Variants in SPTA1 observed in about 807,000 individuals in gnomAD.
SPTA1 encodes the protein spectrin alpha chain, erythrocytic 1.
SPTA1 carries 177 observed loss-of-function variants against 324.7 expected under a neutral mutation model. The observed-to-expected ratio is 0.55, with a 90% CI of 0.48 to 0.62. SPTA1 has a LOEUF of 0.62. Among genes scored for constraint, SPTA1 ranks in the 20% least tolerant of loss-of-function variants. The pLI, the probability that SPTA1 is intolerant of heterozygous loss-of-function variation, is 0.00. For missense variants in SPTA1, 3,162 were observed against 2,883.6 expected, an observed-to-expected ratio of 1.10 and a Z score of -2.21; for synonymous variants, 1,195 against 1,041.3, an observed-to-expected ratio of 1.15 and a Z score of -2.84.
intron 18 of SPTA1, among the ~76,000 whole-genome samples, chr1:158,659,211 A>G (rs570101248): frequency 6.6e-6 from 1 of 152,262 alleles, no homozygotes; most frequent in African/African-American, 2.4e-5. Context: ...CAATAGCACA[A>G]GGGTGAAAAC....
At chr1:158,681,284 A>G (rs1654789715) in intron 4 of SPTA1, among the ~76,000 whole-genome samples, 1 of 152,116 alleles carries the variant, frequency 6.6e-6, no homozygotes, top group Admixed American at 6.6e-5. Context: ...TTATCTTTCA[A>G]TGCATGGTCT....
intron 31 of SPTA1, 83 bp downstream of exon 31, chr1:158,643,239 A>G: frequency 6.8e-7 from 1 of 1,481,016 alleles, no homozygotes; most frequent in Non-Finnish European, 9.4e-7. Context: ...AGGAAGCCAG[A>G]GTATTCCCCC....
intron 39 of SPTA1, among the ~76,000 whole-genome samples, chr1:158,631,690 T>C (rs934682395): frequency 1.1e-4 from 16 of 152,134 alleles, no homozygotes; most frequent in Admixed American, 3.9e-4. Flanking sequence ...CTCAGGTATA[T>C]GAAAAGATGC....
Position 158,656,591 on chromosome 1 carries a change from A to G in SPTA1, c.2871T>C (p.Ala957=). The change falls in exon 20 of 52, where the codon GCT becomes GCC. Residue 957 remains alanine (A), a synonymous_variant. Coordinates refer to ENST00000643759, the MANE Select transcript of SPTA1 (RefSeq NM_003126.4). ...GGCAGGCGTTTGCCTGATTCCGCAG[A>G]GCTTTCATACTGTCTCCAAATGAAT... The part of the protein sequence containing the change: ...DLNSFGDSMK[A]LRNQANACQQ... 6.2e-7 allele frequency: 1 copy of G among 1,613,966 alleles called. No individual in the cohort carries two copies. The highest frequency in any genetic ancestry group is 8.5e-7 in the Non-Finnish European group (1 of 1,179,930).
At chr1:158,623,964 G>A (rs180846597) in intron 42 of SPTA1, among the ~76,000 whole-genome samples, 3 of 152,280 alleles carry the variant, frequency 2.0e-5, no homozygotes, top group East Asian at 3.9e-4. Flanking sequence ...AGCCAAAAGG[G>A]GCCAAGGTGC....
At chr1:158,650,570 C>G (rs1255251577) in intron 24 of SPTA1, among the ~76,000 whole-genome samples, 6 of 152,192 alleles carry the variant, frequency 3.9e-5, no homozygotes, top group Non-Finnish European at 7.3e-5. Context: ...TATTCTCCTT[C>G]TTCAGCACGT....
chr1:158,612,939 C>A lies in SPTA1; in HGVS notation c.7012G>T (p.Asp2338Tyr). ...TTGTCAATCAGGAAAGCAGTATAGT[C>A]CTCCAGTGAGACATAGCCCTTCCTG... The part of the protein sequence containing the change: ...PGRKGYVSLE[D>Y]YTAFLIDKES... The change falls in exon 51 of 52, where the codon GAC (aspartate) becomes TAC (tyrosine). Residue 2338 changes from aspartate to tyrosine, a missense_variant. Coordinates refer to ENST00000643759, the MANE Select transcript of SPTA1 (RefSeq NM_003126.4). The A allele has an allele frequency of 6.2e-7, 1 of 1,613,878 alleles. No homozygotes were observed. The highest frequency in any genetic ancestry group is 1.1e-5 in the South Asian group (1 of 91,074).
chr1:158,623,632 T>G (rs1650068861), intron 42 of SPTA1, among the ~76,000 whole-genome samples: 1 of 152,180 alleles, frequency 6.6e-6, no homozygotes, highest in African/African-American at 2.4e-5. Context: ...TTCTGCTGCC[T>G]TATGAAGAAG....
chr1:158,674,670 T>G lies in SPTA1; in HGVS notation c.1118A>C (p.His373Pro). 6.2e-7 allele frequency: 1 copy of G among 1,613,706 alleles called. No homozygotes were observed. The highest frequency in any genetic ancestry group is 8.5e-7 in the Non-Finnish European group (1 of 1,179,936). The change falls in exon 9 of 52, where the codon CAT (histidine) becomes CCT (proline). Residue 373 changes from histidine (H) to proline (P), a missense_variant. Coordinates refer to ENST00000643759, the MANE Select transcript of SPTA1 (RefSeq NM_003126.4). The stretch of plus-strand genomic sequence containing the variant: ...TTCATCAAAGTCAGATGAAAATCGA[T>G]GGTACCTGTGGGAAAAGTGAGGTAA... ...YEKLQATYWY[H>P]RFSSDFDELS...
chr1:158,683,671 G>A (rs907092795), intron 2 of SPTA1, among the ~76,000 whole-genome samples, 175 bp from the exon 3 acceptor site: 6 of 152,090 alleles, frequency 3.9e-5, no homozygotes, highest in Admixed American at 6.6e-5. Flanking sequence ...ACTGTCCTGA[G>A]CTATGCTGAG....
intron 19 of SPTA1, 53 bp downstream of exon 19, chr1:158,657,424 A>C: frequency 1.3e-6 from 2 of 1,540,444 alleles, no homozygotes; most frequent in Non-Finnish European, 9.0e-7. Context: ...CTAAATTGAT[A>C]ATTTGGTTGC....
intron 42 of SPTA1, among the ~76,000 whole-genome samples, chr1:158,623,554 A>G (rs1650061842): frequency 6.6e-6 from 1 of 152,170 alleles, no homozygotes; most frequent in African/African-American, 2.4e-5. Flanking sequence ...TTCTTGTGAT[A>G]GTGAGTGAGT....
intron 15 of SPTA1, 58 bp downstream of exon 15, chr1:158,667,800 A>G: frequency 6.4e-7 from 1 of 1,561,708 alleles, no homozygotes; most frequent in South Asian, 1.1e-5. Flanking sequence ...GGTAAAGATA[A>G]AGGTAGTAGA....
intron 31 of SPTA1, 144 bp from the exon 32 acceptor site, chr1:158,643,120 A>G: frequency 7.6e-7 from 1 of 1,321,880 alleles, no homozygotes; most frequent in South Asian, 1.3e-5. Flanking sequence ...GCAGTGCTAA[A>G]GCCAGTTAAT....
Position 158,635,962 on chromosome 1 carries a change from C to T in SPTA1, c.5383G>A (p.Ala1795Thr), listed in dbSNP as rs753689578. 8 of 1,614,154 alleles carry T rather than the reference C, an allele frequency of 5.0e-6. No homozygotes were observed. The highest frequency in any genetic ancestry group is 1.1e-5 in the South Asian group (1 of 91,078). Residue 1795 changes from alanine (A) to threonine (T), a missense_variant, in exon 38 of 52, where the codon GCT (alanine) becomes ACT (threonine). Coordinates refer to ENST00000643759, the MANE Select transcript of SPTA1 (RefSeq NM_003126.4). ...VGQEEIQLRLAQFVEHWEKLK... is the reference protein window; with the variant it reads ...VGQEEIQLRLTQFVEHWEKLK... ...TTCTCCCAGTGTTCAACAAACTGAGCCAGCCGCAACTGGATCTCCTCTTGC... is the reference window on the plus strand; with the variant it reads ...TTCTCCCAGTGTTCAACAAACTGAGTCAGCCGCAACTGGATCTCCTCTTGC...
At chr1:158,657,789 T>G in intron 18 of SPTA1, 95 bp from the exon 19 acceptor site, 1 of 1,249,000 alleles carries the variant, frequency 8.0e-7, no homozygotes, top group East Asian at 2.3e-5. Context: ...AAGGAAGTGA[T>G]AAAAATGGTA....
At chr1:158,634,709 G>T in intron 38 of SPTA1, 34 bp from the exon 39 acceptor site, 1 of 1,613,508 alleles carries the variant, frequency 6.2e-7, no homozygotes, top group Non-Finnish European at 8.5e-7. Context: ...GTGAGGATAA[G>T]AACAAACTGG....
At chr1:158,651,763 T>C in intron 23 of SPTA1, among the ~76,000 whole-genome samples, 1 of 152,296 alleles carries the variant, frequency 6.6e-6, no homozygotes, top group South Asian at 2.1e-4. Flanking sequence ...GAGGGATTGA[T>C]ACCTGAGCTG....
In SPTA1 at chr1:158,642,922, A is replaced by G. The variant is rs950476956; in HGVS notation, c.4497T>C (p.Tyr1499=). 3 of 1,613,712 alleles carry G rather than the reference A, an allele frequency of 1.9e-6. No homozygotes were observed. Among genetic ancestry groups the G allele is most frequent in the African/African-American group, 2.7e-5 (2 of 74,870 alleles). ...LIDERTKLGD[Y]ANLKQFYRDL... ...CTCGGTAGAATTGTTTTAGGTTGGC[A>G]TAGTCTCCAAGCTTTGTCCGCTCAT... is the stretch of plus-strand genomic sequence containing the variant. Residue 1499 remains tyrosine (Y), a synonymous_variant, in exon 32 of 52, where the codon TAT becomes TAC. Transcript: ENST00000643759.
Sources: allele counts gnomAD v4.1 joint callset (sites outside exome capture counted in the v4.1 genomes callset), GRCh38; gene constraint gnomAD v4.1.1; transcripts MANE v1.5; gene names NCBI Gene and HGNC (gene_info 2026-07-23, HGNC 2026-07-21).